Variants in TDRD12 observed in about 807,000 individuals in gnomAD.
The protein encoded by TDRD12 is tudor domain containing 12.
TDRD12 carries 158 observed loss-of-function variants against 133.5 expected under a neutral mutation model. The ratio of observed to expected loss-of-function variants is 1.18; its 90% CI spans 1.04 to 1.35. The LOEUF (loss-of-function observed/expected upper bound fraction) is 1.35, where lower values mean the gene tolerates loss of function less well. Among genes scored for constraint, TDRD12 ranks in the 40% most tolerant of loss-of-function variants. The pLI is 0.00. For missense variants in TDRD12, 1,443 were observed against 1,321.3 expected, an observed-to-expected ratio of 1.09 and a Z score of -1.43; for synonymous variants, 460 against 477.9, an observed-to-expected ratio of 0.96 and a Z score of 0.49.
At chr19:32,786,222 G>T (rs1392291889) in intron 11 of TDRD12, among the ~76,000 whole-genome samples, 3 of 152,136 alleles carry the variant, frequency 2.0e-5, no homozygotes, top group Non-Finnish European at 4.4e-5. Flanking sequence ...ATTCTGGGTT[G>T]AAAATTCTTT....
At chr19:32,807,286 AAAAAAAAAAAG>A (rs1369482358) in intron 21 of TDRD12, among the ~76,000 whole-genome samples, 2 of 140,138 alleles carry the variant, frequency 1.4e-5, no homozygotes, top group East Asian at 2.1e-4. Context: ...AAAAAAAAAA[AAAAAAAAAAAG>A]AAAGTTTGCT....
chr19:32,787,273 C>G (rs1182999232), intron 11 of TDRD12, among the ~76,000 whole-genome samples: 1 of 152,166 alleles, frequency 6.6e-6, no homozygotes, highest in African/African-American at 2.4e-5. Context: ...AATATTGCTG[C>G]CTGATCCTTC....
At chr19:32,814,289 C>T (rs928434036) in intron 25 of TDRD12, among the ~76,000 whole-genome samples, 3 of 152,146 alleles carry the variant, frequency 2.0e-5, no homozygotes, top group Non-Finnish European at 4.4e-5. Context: ...TGTCTCTCCA[C>T]GGCTGCTGGC....
chr19:32,805,995 G>A (rs761910889), intron 21 of TDRD12, among the ~76,000 whole-genome samples: 2 of 152,006 alleles, frequency 1.3e-5, no homozygotes, highest in Non-Finnish European at 2.9e-5. Flanking sequence ...GCCTCCCAAA[G>A]TGCTGGGATT....
At chr19:32,770,409 T>TTA (rs1491509768) in intron 8 of TDRD12, among the ~76,000 whole-genome samples, 1 of 152,150 alleles carries the variant, frequency 6.6e-6, no homozygotes, top group African/African-American at 2.4e-5. Context: ...TTTTTTACTC[T>TTA]TATATATATT....
chr19:32,755,443 C>T (rs1034753689), intron 6 of TDRD12, among the ~76,000 whole-genome samples: 1 of 152,204 alleles, frequency 6.6e-6, no homozygotes, highest in Admixed American at 6.5e-5. Flanking sequence ...TTGCGTTTCC[C>T]TAATGATGGT....
intron 27 of TDRD12, among the ~76,000 whole-genome samples, chr19:32,819,815 C>T (rs1283263133): frequency 6.6e-6 from 1 of 152,164 alleles, no homozygotes; most frequent in African/African-American, 2.4e-5. Flanking sequence ...TGTTAGGGAA[C>T]GTGGGTCTGC....
At chr19:32,774,623 T>G (rs569700143) in intron 10 of TDRD12, among the ~76,000 whole-genome samples, 88 of 152,316 alleles carry the variant, frequency 5.8e-4, no homozygotes, top group Non-Finnish European at 1.1e-3. Context: ...GTGCCTTTGT[T>G]CCTCTGCTGT....
intron 24 of TDRD12, among the ~76,000 whole-genome samples, chr19:32,812,357 G>T: frequency 6.6e-6 from 1 of 152,158 alleles, no homozygotes; most frequent in Non-Finnish European, 1.5e-5. Flanking sequence ...AGTTCTCCAA[G>T]GAAAGGTTAT....
intron 26 of TDRD12, among the ~76,000 whole-genome samples, chr19:32,816,469 C>A (rs1197368029): frequency 2.0e-5 from 3 of 152,210 alleles, no homozygotes; most frequent in Non-Finnish European, 4.4e-5. Flanking sequence ...GGCATAAATT[C>A]TCTAAATTCT....
At chr19:32,749,829 C>T in exon 6 of TDRD12, 1 of 1,550,528 alleles carries the variant, frequency 6.4e-7, no homozygotes, top group Non-Finnish European at 8.7e-7. Flanking sequence ...GAAGAAGATA[C>T]ATTTGAGGTT....
chr19:32,748,521 C>T, exon 5 of TDRD12: 1 of 1,551,346 alleles, frequency 6.4e-7, no homozygotes, highest in Non-Finnish European at 8.7e-7. Context: ...ACTTTCAGAA[C>T]CTTCTGAAAG....
chr19:32,756,688 A>C (rs1970005296), intron 7 of TDRD12, among the ~76,000 whole-genome samples: 1 of 152,118 alleles, frequency 6.6e-6, no homozygotes, highest in Admixed American at 6.6e-5. Flanking sequence ...GCCCGGCCTC[A>C]ATTTCTTATT....
At chr19:32,798,417 C>A in exon 16 of TDRD12, 1 of 1,535,342 alleles carries the variant, frequency 6.5e-7, no homozygotes, top group East Asian at 2.4e-5. Flanking sequence ...AGGTGCTATT[C>A]TTGGAAGCCA....
At chr19:32,752,264 C>A (rs2145527536) in intron 6 of TDRD12, among the ~76,000 whole-genome samples, 1 of 152,246 alleles carries the variant, frequency 6.6e-6, no homozygotes, top group South Asian at 2.1e-4. Context: ...ACTGCAACCT[C>A]CGCCTCCCAG....
At chr19:32,792,362 C>T (rs1971097415) in intron 13 of TDRD12, among the ~76,000 whole-genome samples, 1 of 152,152 alleles carries the variant, frequency 6.6e-6, no homozygotes. Context: ...GAAGACATTG[C>T]ATCTCTAACA....
At chr19:32,799,394 G>C (rs1043685951) in intron 16 of TDRD12, among the ~76,000 whole-genome samples, 1 of 152,146 alleles carries the variant, frequency 6.6e-6, no homozygotes, top group Non-Finnish European at 1.5e-5. Context: ...GAGCAGGCTT[G>C]CCCCAGTTTT....
intron 6 of TDRD12, among the ~76,000 whole-genome samples, chr19:32,750,908 T>C (rs927077899): frequency 6.6e-6 from 1 of 152,248 alleles, no homozygotes; most frequent in Non-Finnish European, 1.5e-5. Flanking sequence ...CAGGGGTTTA[T>C]GACGTCAGTA....
chr19:32,764,103 CT>C (rs5827820), intron 8 of TDRD12, among the ~76,000 whole-genome samples: 615 of 72,240 alleles, frequency 8.5e-3, no homozygotes, highest in Admixed American at 0.015. Context: ...TATTGTCCAT[CT>C]TTTTTTTTTT....
Sources: gnomAD v4.1 joint callset for allele counts (sites outside exome capture counted in the v4.1 genomes callset) on GRCh38, gnomAD v4.1.1 for gene constraint, MANE v1.5 for transcripts, NCBI Gene and HGNC (gene_info 2026-07-23, HGNC 2026-07-21) for gene names.